NOS1: variants seen among roughly 807,000 people sequenced by gnomAD.
NOS1 encodes nitric oxide synthase 1.
A neutral mutation model predicts 164.5 loss-of-function variants in NOS1; 51 were observed. The observed-to-expected ratio is 0.31, with a 90% CI of 0.25 to 0.39. The LOEUF (loss-of-function observed/expected upper bound fraction) is 0.39, where lower values mean the gene tolerates loss of function less well. Among genes scored for constraint, NOS1 ranks in the 10% least tolerant of loss-of-function variants. The pLI is 1.00. For missense variants in NOS1, 1,362 were observed against 1,885.6 expected, an observed-to-expected ratio of 0.72 and a Z score of 5.14; for synonymous variants, 719 against 745.8, an observed-to-expected ratio of 0.96 and a Z score of 0.59.
Position 117,258,312 on chromosome 12 carries a change from C to T in NOS1, c.2531+85G>A, listed in dbSNP as rs577865396. 8 of 1,359,560 alleles carry T rather than the reference C, an allele frequency of 5.9e-6. No individual in the cohort carries two copies. In the African/African-American group the frequency reaches 7.1e-5, roughly 12 times the overall value. The allele number at this position is 1,359,560 out of a possible 1,614,324, so 84.2% of individuals were successfully genotyped here. ...TTCAGATTACAGCCACCATCCAGAA[C>T]TCAAATGTGAACCCCAGGTGCCAAA... On this transcript the variant is annotated intron_variant, in intron 16 of 28. Transcript: ENST00000317775.
At chr12:117,292,219 G>A (rs1264335823) in intron 3 of NOS1, among the ~76,000 whole-genome samples, 6 of 152,212 alleles carry the variant, frequency 3.9e-5, no homozygotes, top group Middle Eastern at 3.2e-3. Flanking sequence ...TATAGGGTCA[G>A]TATAATTCCA....
At position 117,234,681 on chromosome 12, in the gene NOS1, A is replaced by G. The variant is rs1869550797; in HGVS notation, c.3119T>C (p.Val1040Ala). Residue 1040 changes from valine to alanine, a missense_variant, in exon 21 of 29, where the codon GTC (valine) becomes GCC (alanine). This residue lies in a region of NOS1 where 737 missense variants were observed against 1,030.3 expected (regional missense o/e 0.72). Transcript: ENST00000317775. This position sits in a 1 kb window ranked among gnomAD's most constrained non-coding sequence, Gnocchi z 4.3. ...GAGGTCCTCGTGGTTGCCAGGGAAG[A>G]CACCCAGGTGGTCCCCAGGCTGGTA... ...LQYQPGDHLG[V>A]FPGNHEDLVN... 3 of 1,614,022 alleles carry G rather than the reference A, an allele frequency of 1.9e-6. No homozygotes were observed. The South Asian group carries it at 3.3e-5, about 18-fold the overall frequency.
intron 3 of NOS1, chr12:117,309,428 A>T (rs1874319317): frequency 1.0e-6 from 1 of 974,620 alleles, no homozygotes; most frequent in Non-Finnish European, 1.2e-6. Flanking sequence ...TGTGTAGAGA[A>T]CTTTGAGGCC....
chr12:117,276,661 C>T (rs1873210066), intron 9 of NOS1, among the ~76,000 whole-genome samples: 1 of 152,058 alleles, frequency 6.6e-6, no homozygotes, highest in Non-Finnish European at 1.5e-5. Context: ...GGTAACCATC[C>T]TTCTACTCTT....
chr12:117,304,892 C>T (rs935029181), intron 3 of NOS1: 1 of 501,632 alleles, frequency 2.0e-6, no homozygotes, highest in South Asian at 8.7e-5. Context: ...GGGGTCAGAC[C>T]TCACTATTTC....
At chr12:117,280,902 C>T (rs186316832) in intron 7 of NOS1, 36 bp from the exon 8 acceptor site, 128 of 1,606,546 alleles carry the variant, frequency 8.0e-5, no homozygotes, top group Non-Finnish European at 1.0e-4. Context: ...GGCATCAGGG[C>T]GGGACTTGCG....
intron 3 of NOS1, among the ~76,000 whole-genome samples, chr12:117,309,776 G>A (rs1376542220): frequency 6.7e-6 from 1 of 149,920 alleles, no homozygotes; most frequent in Non-Finnish European, 1.5e-5. Flanking sequence ...GATGGAGTTG[G>A]CGAGGCTGTG....
Position 117,272,257 on chromosome 12 carries a change from G to A in NOS1, c.1839+128C>T, listed in dbSNP as rs1281886474. ...CCCTGGCATTTCCAGGGGCTTCTCTGGGATTGCAATTCTATTCTAACCCCT... is the reference window on the plus strand; with the variant it reads ...CCCTGGCATTTCCAGGGGCTTCTCTAGGATTGCAATTCTATTCTAACCCCT... On this transcript the variant is annotated intron_variant, in intron 10 of 28. Transcript: ENST00000317775. This position sits in a 1 kb window ranked among gnomAD's most constrained non-coding sequence, Gnocchi z 4.3. The A allele has an allele frequency of 1.0e-6, 1 of 958,464 alleles. No homozygotes were observed. Among genetic ancestry groups the A allele is most frequent in the East Asian group, 2.4e-5 (1 of 41,576 alleles). 59.4% of individuals were successfully genotyped at this position (958,464 alleles called of 1,614,324 possible). A position where few individuals can be genotyped will look rare whatever the true frequency, so the allele number is the denominator to read the frequency against.
intron 21 of NOS1, among the ~76,000 whole-genome samples, chr12:117,232,683 C>T (rs1002830271): frequency 6.6e-6 from 1 of 152,224 alleles, no homozygotes; most frequent in East Asian, 1.9e-4. Context: ...AGCTCATAAG[C>T]GTGAAGTCAG....
At chr12:117,251,864 T>C (rs914681608) in intron 17 of NOS1, among the ~76,000 whole-genome samples, 1 of 152,090 alleles carries the variant, frequency 6.6e-6, no homozygotes, top group African/African-American at 2.4e-5. Flanking sequence ...CCAGAGTAGC[T>C]GGGACCACAG....
In NOS1 at chr12:117,243,247, C is replaced by T. The variant is rs759020676; in HGVS notation, c.2962+50G>A. 1 of 1,605,242 alleles carries T rather than the reference C, an allele frequency of 6.2e-7. No individual in the cohort carries two copies. The highest frequency in any genetic ancestry group is 1.7e-5 in the Admixed American group (1 of 59,522). ...CACCTTCTGGAGGTGAGATCACCTG[C>T]CTTTCCCCCATTGTCACGAATACCT... On this transcript the variant is annotated intron_variant, in intron 19 of 28. Transcript: ENST00000317775. The surrounding 1 kb of genome is among the most constrained non-coding windows in gnomAD (Gnocchi z 4.3).
intron 17 of NOS1, among the ~76,000 whole-genome samples, chr12:117,251,573 C>T (rs1871102726): frequency 6.6e-6 from 1 of 150,684 alleles, no homozygotes; most frequent in Non-Finnish European, 1.5e-5. Context: ...CCACTATGCC[C>T]AGCTAATCAA....
At chr12:117,334,429 C>T (rs1186130115) in intron 1 of NOS1, among the ~76,000 whole-genome samples, 3 of 152,114 alleles carry the variant, frequency 2.0e-5, no homozygotes, top group Non-Finnish European at 4.4e-5. Flanking sequence ...CAGAGTCTCA[C>T]TCTGTCGCCC....
intron 7 of NOS1, among the ~76,000 whole-genome samples, chr12:117,282,710 G>A (rs187961218): frequency 2.6e-5 from 4 of 152,278 alleles, no homozygotes; most frequent in Non-Finnish European, 4.4e-5. Flanking sequence ...TAACAGAGGC[G>A]CCATCTTGGA....
intron 9 of NOS1, among the ~76,000 whole-genome samples, chr12:117,275,151 C>T (rs4767527): frequency 0.83 from 126,404 of 151,862 alleles, 52,730 homozygotes; most frequent in African/African-American, 0.9. Context: ...AATATATACA[C>T]ACATATATAT....
At chr12:117,274,277 C>T (rs1190737009) in intron 9 of NOS1, among the ~76,000 whole-genome samples, 1 of 152,132 alleles carries the variant, frequency 6.6e-6, no homozygotes. Context: ...CATTTCATCA[C>T]AGTTAGGACG....
chr12:117,325,587 G>A (rs924967014), intron 2 of NOS1, among the ~76,000 whole-genome samples: 44 of 152,114 alleles, frequency 2.9e-4, no homozygotes, highest in African/African-American at 9.7e-4. Flanking sequence ...TTATATTCCC[G>A]GGCTGAGATC....
At chr12:117,285,991 C>T in intron 6 of NOS1, 113 bp downstream of exon 6, 2 of 1,209,704 alleles carry the variant, frequency 1.7e-6, no homozygotes, top group Non-Finnish European at 2.3e-6. Flanking sequence ...GATAGGTCAC[C>T]ATGGCTACCA....
intron 7 of NOS1, among the ~76,000 whole-genome samples, chr12:117,282,216 GA>G (rs879655686): frequency 1.4e-3 from 192 of 140,978 alleles, no homozygotes; most frequent in South Asian, 8.4e-3. Context: ...ATCAGGATTG[GA>G]AAAAAAAAAA....
Sources: allele counts gnomAD v4.1 joint callset (sites outside exome capture counted in the v4.1 genomes callset), GRCh38; gene constraint gnomAD v4.1.1; regional missense constraint gnomAD v4.1.1; non-coding constraint Gnocchi (gnomAD v3.1); transcripts MANE v1.5; gene names NCBI Gene and HGNC (gene_info 2026-07-23, HGNC 2026-07-21).